The following SLC39A10 variants were observed in gnomAD, a reference collection of about 807,000 sequenced individuals.
SLC39A10 encodes the protein solute carrier family 39 member 10.
SLC39A10 carries 13 observed loss-of-function variants against 65.1 expected under a neutral mutation model. The observed-to-expected ratio is 0.20, with a 90% CI of 0.13 to 0.32. The LOEUF is 0.32. SLC39A10 is among the 10% of genes least tolerant of loss of function. The pLI is 1.00. For synonymous variants in SLC39A10, 321 were observed against 342.2 expected, an observed-to-expected ratio of 0.94 and a Z score of 0.68; for missense variants, 831 against 1,018.4, an observed-to-expected ratio of 0.82 and a Z score of 2.50.
chr2:195,646,783 G>A (rs1306662171), intron 2 of SLC39A10, among the ~76,000 whole-genome samples: 1 of 152,192 alleles, frequency 6.6e-6, no homozygotes, highest in Admixed American at 6.5e-5. Context: ...ATGGGAGCAC[G>A]AACCCTATGG....
Position 195,683,692 on chromosome 2 carries a change from C to T in SLC39A10, c.1009-7C>T, listed in dbSNP as rs1332934954. On this transcript the variant is annotated splice_region_variant and splice_polypyrimidine_tract_variant and intron_variant, in intron 2 of 9. Transcript: ENST00000359634. ...TTATTTAATTTGTTTTATCACTTTC[C>T]TTGCAGTGTTTGAACGTCACTCAGT... 1 of 1,608,488 alleles carries T rather than the reference C, an allele frequency of 6.2e-7. No individual in the cohort carries two copies. The highest frequency in any genetic ancestry group is 2.2e-5 in the East Asian group (1 of 44,770).
intron 3 of SLC39A10, among the ~76,000 whole-genome samples, chr2:195,687,164 C>G (rs1690556453): frequency 6.6e-6 from 1 of 151,960 alleles, no homozygotes; most frequent in African/African-American, 2.4e-5. Context: ...AGGCCTAGTC[C>G]CTCTCAGGTG....
rs755710878 is a variant in SLC39A10, at chr2:195,737,270, C to T, written c.*2229C>T. The T allele has an allele frequency of 1.3e-5, 2 of 152,700 alleles. No homozygotes were observed. Among genetic ancestry groups the T allele is most frequent in the African/African-American group, 4.8e-5 (2 of 41,450 alleles). 9.5% of individuals were successfully genotyped at this position (152,700 alleles called of 1,614,324 possible). On this transcript the variant is annotated 3_prime_UTR_variant, in exon 10 of 10. Coordinates refer to ENST00000359634, the MANE Select transcript of SLC39A10 (RefSeq NM_020342.3). ...CTTTTGGCTCCAACATTCCTTTTAG[C>T]TTGACCAGTCTAATTTAAAATGTGT...
At chr2:195,703,187 A>T (rs1691258678) in intron 3 of SLC39A10, among the ~76,000 whole-genome samples, 1 of 152,222 alleles carries the variant, frequency 6.6e-6, no homozygotes, top group African/African-American at 2.4e-5. Flanking sequence ...ATGCTAGATT[A>T]TTAAAGTTTT....
intron 3 of SLC39A10, 104 bp from the exon 4 acceptor site, chr2:195,706,512 T>G (rs112177166): frequency 6.4e-6 from 7 of 1,085,406 alleles, no homozygotes; most frequent in African/African-American, 1.6e-5. Flanking sequence ...CTGGGTAAAA[T>G]AGTCTACCTT....
At chr2:195,670,364 CA>C (rs758689646) in intron 1 of SLC39A10, 6 of 151,760 alleles carry the variant, frequency 4.0e-5, no homozygotes, top group Non-Finnish European at 5.9e-5. Context: ...TTTGTGGTGA[CA>C]ACATTCAACA....
At chr2:195,623,462 C>A (rs1477035161) in intron 2 of SLC39A10, among the ~76,000 whole-genome samples, 1 of 152,094 alleles carries the variant, frequency 6.6e-6, no homozygotes, top group Admixed American at 6.6e-5. Flanking sequence ...ACTAGAAGTG[C>A]ACAATTTTTG....
chr2:195,645,854 T>G (rs1382505174), intron 2 of SLC39A10, among the ~76,000 whole-genome samples: 1 of 152,252 alleles, frequency 6.6e-6, no homozygotes, highest in African/African-American at 2.4e-5. Context: ...TTGATCATTC[T>G]ACAGGTACTG....
At chr2:195,725,572 T>C (rs1369128864) in intron 8 of SLC39A10, among the ~76,000 whole-genome samples, 3 of 152,158 alleles carry the variant, frequency 2.0e-5, no homozygotes, top group Non-Finnish European at 2.9e-5. Context: ...ATTAGAAATA[T>C]GCTTAACTGT....
At position 195,736,972 on chromosome 2, in the gene SLC39A10, A is replaced by AATC. The variant is rs1692640679; in HGVS notation, c.*1932_*1934dup. The AATC allele has an allele frequency of 6.6e-6, 1 of 152,564 alleles. No individual in the cohort carries two copies. The highest frequency in any genetic ancestry group is 2.4e-5 in the African/African-American group (1 of 41,434). 9.5% of individuals were successfully genotyped at this position (152,564 alleles called of 1,614,324 possible). A position where few individuals can be genotyped will look rare whatever the true frequency, so the allele number is the denominator to read the frequency against. On this transcript the variant is annotated 3_prime_UTR_variant, in exon 10 of 10. Coordinates refer to ENST00000359634, the MANE Select transcript of SLC39A10 (RefSeq NM_020342.3). Reference sequence around the variant, plus strand: ...GGTAGGATTCTGCATTCCAGCATTAAATCTGCTTCATTTTAGAACCTTTAT... The same window carrying AATC: ...GGTAGGATTCTGCATTCCAGCATTAAATCATCTGCTTCATTTTAGAACCTTTAT...
At chr2:195,613,339 A>C (rs886421982) in intron 2 of SLC39A10, among the ~76,000 whole-genome samples, 1 of 152,182 alleles carries the variant, frequency 6.6e-6, no homozygotes, top group Non-Finnish European at 1.5e-5. Flanking sequence ...TATCTAATAC[A>C]GTACATTGTT....
At chr2:195,677,957 A>G (rs567115602) in intron 1 of SLC39A10, among the ~76,000 whole-genome samples, 1 of 152,232 alleles carries the variant, frequency 6.6e-6, no homozygotes, top group East Asian at 1.9e-4. Context: ...CATGTTTGCT[A>G]GGCCTGTCTT....
intron 2 of SLC39A10, among the ~76,000 whole-genome samples, chr2:195,645,233 A>G (rs1308646866): frequency 6.6e-6 from 1 of 152,110 alleles, no homozygotes; most frequent in African/African-American, 2.4e-5. Flanking sequence ...TTTAAAAAAA[A>G]AAAAATGAGT....
At chr2:195,643,119 A>G (rs1357924032) in intron 2 of SLC39A10, among the ~76,000 whole-genome samples, 1 of 152,216 alleles carries the variant, frequency 6.6e-6, no homozygotes, top group Non-Finnish European at 1.5e-5. Flanking sequence ...AAATTTATCA[A>G]ATTCCTTGAG....
upstream of SLC39A10, among the ~76,000 whole-genome samples, chr2:195,653,526 C>G (rs778185043): frequency 3.9e-5 from 6 of 152,164 alleles, no homozygotes; most frequent in Non-Finnish European, 5.9e-5. Context: ...AACTCCTGAC[C>G]TCAGGTGATC....
chr2:195,726,411 G>T (rs555643511), intron 8 of SLC39A10, among the ~76,000 whole-genome samples: 3 of 152,256 alleles, frequency 2.0e-5, no homozygotes, highest in South Asian at 2.1e-4. Context: ...GAGGAAATTT[G>T]TTAGGGAAGT....
Position 195,728,968 on chromosome 2 carries a change from T to C in SLC39A10, c.2337+619T>C, listed in dbSNP as rs1454461889. On this transcript the variant is annotated intron_variant, in intron 9 of 9. Coordinates refer to ENST00000359634, the MANE Select transcript of SLC39A10 (RefSeq NM_020342.3). The surrounding 1 kb of genome is among the most constrained non-coding windows in gnomAD (Gnocchi z 4.4). ...AGATCACAGTCTTATTTCAAAATTA[T>C]GCAGCCTTTTTTTTTTTTTTATGAG... is the stretch of plus-strand genomic sequence containing the variant. Among the ~76,000 whole-genome samples, 5 of 151,726 alleles carry C rather than the reference T, an allele frequency of 3.3e-5. No individual in the cohort carries two copies. Among genetic ancestry groups the C allele is most frequent in the African/African-American group, 1.2e-4 (5 of 41,404 alleles).
At chr2:195,644,887 C>CTTTATT (rs765783190) in intron 2 of SLC39A10, among the ~76,000 whole-genome samples, 2,740 of 91,628 alleles carry the variant, frequency 0.03, 27 homozygotes, top group South Asian at 0.042. Flanking sequence ...ACCAATCTAA[C>CTTTATT]TACTTTATTT....
chr2:195,637,014 C>T (rs1184713835), intron 2 of SLC39A10, among the ~76,000 whole-genome samples: 1 of 152,098 alleles, frequency 6.6e-6, no homozygotes, highest in East Asian at 1.9e-4. Context: ...TCCCTCTAGT[C>T]TCAACTAAAA....
Sources: allele counts gnomAD v4.1 joint callset (sites outside exome capture counted in the v4.1 genomes callset), GRCh38; gene constraint gnomAD v4.1.1; non-coding constraint Gnocchi (gnomAD v3.1); transcripts MANE v1.5; gene names NCBI Gene and HGNC (gene_info 2026-07-23, HGNC 2026-07-21).